CLVS1: variants seen among roughly 807,000 people sequenced by gnomAD.
The protein encoded by CLVS1 is clavesin 1, also known as clavesin-1.
Under a neutral mutation model 33.1 loss-of-function variants are expected in CLVS1, and 10 were observed. The ratio of observed to expected loss-of-function variants is 0.30; its 90% CI spans 0.19 to 0.51. The LOEUF is 0.51. CLVS1 is among the 20% of genes least tolerant of loss of function. CLVS1 has a pLI of 0.97. For missense variants in CLVS1, 343 were observed against 433.4 expected (o/e 0.79, Z 1.85); for synonymous variants, 163 against 166.1 (o/e 0.98, Z 0.14).
At chr8:61,376,941 C>A in intron 3 of CLVS1, 162 bp downstream of exon 3, 1 of 560,100 alleles carries the variant, frequency 1.8e-6, no homozygotes, top group Non-Finnish European at 2.9e-6. Context: ...GTTTTAGATG[C>A]TTTTTAAAAT....
chr8:61,253,736 G>A (rs191616690), intron 2 of CLVS1, among the ~76,000 whole-genome samples: 85 of 152,198 alleles, frequency 5.6e-4, no homozygotes, highest in South Asian at 1.9e-3. Context: ...TTATGCATTC[G>A]TCACGTAGTT....
chr8:61,307,013 T>C (rs1012707219), intron 2 of CLVS1, among the ~76,000 whole-genome samples: 9 of 152,216 alleles, frequency 5.9e-5, no homozygotes, highest in Non-Finnish European at 7.3e-5. Flanking sequence ...TTAGTGATCC[T>C]ACCTATTATG....
At chr8:61,316,479 T>A (rs1811014180) in intron 2 of CLVS1, among the ~76,000 whole-genome samples, 1 of 152,192 alleles carries the variant, frequency 6.6e-6, no homozygotes, top group Non-Finnish European at 1.5e-5. Flanking sequence ...TGTGGCATAC[T>A]GGGGAGGCAA....
chr8:61,198,603 G>A (rs1478345428), intron 2 of CLVS1, among the ~76,000 whole-genome samples: 8 of 151,972 alleles, frequency 5.3e-5, no homozygotes. Context: ...TGGTCTCAAA[G>A]TCCTGACCTC....
chr8:60,969,563 G>C, the CLVS1 span, among the ~76,000 whole-genome samples: 1 of 152,112 alleles, frequency 6.6e-6, no homozygotes, highest in African/African-American at 2.4e-5. Flanking sequence ...TCCCATCATG[G>C]CCAGGAACTC....
At chr8:61,433,884 A>G (rs1002715695) in intron 3 of CLVS1, among the ~76,000 whole-genome samples, 2 of 152,260 alleles carry the variant, frequency 1.3e-5, no homozygotes, top group African/African-American at 4.8e-5. Context: ...ACTGCACTCC[A>G]GCCTAGGTGA....
chr8:61,142,300 T>G (rs943848586), intron 2 of CLVS1, among the ~76,000 whole-genome samples: 9 of 152,226 alleles, frequency 5.9e-5, no homozygotes, highest in African/African-American at 1.4e-4. Flanking sequence ...AGATGTGCCC[T>G]GCTTCCCCTT....
chr8:61,281,667 T>A (rs897725508), intron 2 of CLVS1, among the ~76,000 whole-genome samples: 3 of 152,172 alleles, frequency 2.0e-5, no homozygotes, highest in Admixed American at 6.5e-5. Context: ...GCCCTTCCAT[T>A]TACTGGTTCA....
At chr8:61,241,645 C>A (rs1160566043) in intron 2 of CLVS1, among the ~76,000 whole-genome samples, 1 of 152,204 alleles carries the variant, frequency 6.6e-6, no homozygotes, top group Non-Finnish European at 1.5e-5. Context: ...ACTACATCCA[C>A]ATACATTGGG....
the CLVS1 span, among the ~76,000 whole-genome samples, chr8:61,041,380 C>A: frequency 1.6e-4 from 24 of 151,978 alleles, no homozygotes; most frequent in Admixed American, 1.0e-3. Flanking sequence ...GTGTTAGTAT[C>A]TTGATAGGAA....
the CLVS1 span, among the ~76,000 whole-genome samples, chr8:60,978,253 G>A: frequency 0.54 from 81,659 of 152,050 alleles, 22,306 homozygotes; most frequent in South Asian, 0.72. Context: ...AGGTAAATAT[G>A]AAGTCCAACA....
intron 1 of CLVS1, among the ~76,000 whole-genome samples, chr8:61,103,957 T>G (rs1202665006): frequency 2.0e-5 from 3 of 152,208 alleles, no homozygotes; most frequent in Non-Finnish European, 4.4e-5. Context: ...AACTACAAAG[T>G]CTTTGGCTTT....
chr8:61,330,812 G>A (rs925740864), intron 2 of CLVS1, among the ~76,000 whole-genome samples: 1 of 152,066 alleles, frequency 6.6e-6, no homozygotes, highest in Non-Finnish European at 1.5e-5. Context: ...GTGCTGGACT[G>A]GGCTTGGTGT....
chr8:61,416,404 GAATTTT>G (rs1254010837), intron 3 of CLVS1, among the ~76,000 whole-genome samples: 65 of 152,188 alleles, frequency 4.3e-4, no homozygotes, highest in Middle Eastern at 6.8e-3. Flanking sequence ...GGAAAATAAT[GAATTTT>G]GTATTGGTTC....
intron 2 of CLVS1, among the ~76,000 whole-genome samples, chr8:61,132,970 G>A (rs527991923): frequency 6.6e-6 from 1 of 152,314 alleles, no homozygotes; most frequent in South Asian, 2.1e-4. Flanking sequence ...TGGCCTGGAG[G>A]CCTGAGCAGC....
intron 2 of CLVS1, among the ~76,000 whole-genome samples, chr8:61,240,139 A>T (rs1472685291): frequency 6.6e-6 from 1 of 152,242 alleles, no homozygotes; most frequent in Non-Finnish European, 1.5e-5. Context: ...TAGAGATGAG[A>T]TTACATTGGA....
At chr8:61,368,489 C>G (rs1813303929) in intron 2 of CLVS1, among the ~76,000 whole-genome samples, 1 of 152,136 alleles carries the variant, frequency 6.6e-6, no homozygotes, top group African/African-American at 2.4e-5. Context: ...AGAACATTAC[C>G]CTTTGTGTTT....
At chr8:61,370,920 T>A (rs1813412754) in intron 2 of CLVS1, among the ~76,000 whole-genome samples, 1 of 152,188 alleles carries the variant, frequency 6.6e-6, no homozygotes, top group African/African-American at 2.4e-5. Context: ...TTGGGCTGAT[T>A]CCATATTTTT....
chr8:61,269,687 T>C (rs539749408), intron 2 of CLVS1, among the ~76,000 whole-genome samples: 100 of 147,986 alleles, frequency 6.8e-4, no homozygotes, highest in African/African-American at 2.2e-3. Context: ...TCCTCTTTTA[T>C]TTCCTTGAGC....
Sources: gnomAD v4.1 joint callset for allele counts (sites outside exome capture counted in the v4.1 genomes callset) on GRCh38, gnomAD v4.1.1 for gene constraint, MANE v1.5 for transcripts, NCBI Gene and HGNC (gene_info 2026-07-23, HGNC 2026-07-21) for gene names.